The following DSCAM variants were observed in gnomAD, a reference collection of about 807,000 sequenced individuals.
DSCAM encodes the protein cell adhesion molecule DSCAM.
DSCAM carries 47 observed loss-of-function variants against 217.7 expected under a neutral mutation model. That is an observed-to-expected ratio of 0.22 (90% CI 0.17 to 0.28). The LOEUF is 0.28. Ranked by LOEUF, DSCAM falls within the 10% of genes least tolerant of loss-of-function variation. DSCAM has a pLI of 1.00. For missense variants in DSCAM, 2,080 were observed against 2,618.3 expected, an observed-to-expected ratio of 0.79 and a Z score of 4.49; for synonymous variants, 1,056 against 1,015.3, an observed-to-expected ratio of 1.04 and a Z score of -0.76.
At chr21:40,216,829 A>G (rs554036566) in intron 11 of DSCAM, among the ~76,000 whole-genome samples, 2 of 152,342 alleles carry the variant, frequency 1.3e-5, no homozygotes, top group East Asian at 3.9e-4. Context: ...CTGCCCTGTT[A>G]GAATGTGATG....
chr21:40,683,604 A>G (rs775907056), intron 3 of DSCAM, among the ~76,000 whole-genome samples: 82 of 152,172 alleles, frequency 5.4e-4, no homozygotes, highest in Non-Finnish European at 6.3e-4. Flanking sequence ...GGCACAGCTG[A>G]TGAAAAGAGG....
intron 3 of DSCAM, among the ~76,000 whole-genome samples, chr21:40,405,950 T>C (rs557570966): frequency 3.3e-5 from 5 of 152,244 alleles, no homozygotes; most frequent in East Asian, 1.9e-4. Flanking sequence ...CGAGCCGAGA[T>C]TGCACCACTG....
intron 3 of DSCAM, among the ~76,000 whole-genome samples, chr21:40,654,849 G>A (rs760743932): frequency 2.0e-5 from 3 of 152,030 alleles, no homozygotes; most frequent in African/African-American, 7.2e-5. Flanking sequence ...TTTTTGCCAT[G>A]TAAGGTGAAA....
chr21:40,376,184 A>G (rs1219980595), intron 3 of DSCAM, among the ~76,000 whole-genome samples: 1 of 152,160 alleles, frequency 6.6e-6, no homozygotes, highest in African/African-American at 2.4e-5. Context: ...ATGGTAGCAC[A>G]AGCACGATGA....
At chr21:40,803,772 T>C (rs1601285534) in intron 1 of DSCAM, among the ~76,000 whole-genome samples, 1 of 151,210 alleles carries the variant, frequency 6.6e-6, no homozygotes, top group East Asian at 1.9e-4. Flanking sequence ...AAGGGAAGAA[T>C]GGGGAAAAAA....
intron 5 of DSCAM, among the ~76,000 whole-genome samples, chr21:40,351,047 A>G (rs1456037420): frequency 6.6e-6 from 1 of 151,852 alleles, no homozygotes; most frequent in Admixed American, 6.6e-5. Flanking sequence ...CATCACACCC[A>G]GCACAAACAT....
At chr21:40,189,727 C>T (rs898581543) in intron 11 of DSCAM, among the ~76,000 whole-genome samples, 3 of 152,152 alleles carry the variant, frequency 2.0e-5, no homozygotes, top group East Asian at 1.9e-4. Flanking sequence ...TGCACAAGTG[C>T]TCTCTCTTTG....
intron 8 of DSCAM, among the ~76,000 whole-genome samples, chr21:40,324,250 T>G (rs2074294463): frequency 6.6e-6 from 1 of 151,716 alleles, no homozygotes; most frequent in South Asian, 2.1e-4. Flanking sequence ...TAAAATGTTT[T>G]AGGAACAAGA....
intron 14 of DSCAM, among the ~76,000 whole-genome samples, chr21:40,186,276 A>G (rs2090893721): frequency 6.6e-6 from 1 of 152,056 alleles, no homozygotes. Context: ...AGTGCCAAAG[A>G]TATTAGATGG....
At chr21:40,149,848 A>T (rs1294149604) in intron 16 of DSCAM, among the ~76,000 whole-genome samples, 4 of 150,596 alleles carry the variant, frequency 2.7e-5, no homozygotes, top group African/African-American at 9.9e-5. Context: ...TCACCACAAC[A>T]TCCATCACTC....
At chr21:40,717,172 T>C (rs1343381422) in intron 1 of DSCAM, among the ~76,000 whole-genome samples, 1 of 152,220 alleles carries the variant, frequency 6.6e-6, no homozygotes, top group African/African-American at 2.4e-5. Flanking sequence ...TTGGAAACAC[T>C]CTTCAGCACC....
intron 29 of DSCAM, among the ~76,000 whole-genome samples, chr21:40,053,099 C>T (rs183967075): frequency 1.4e-4 from 22 of 152,292 alleles, no homozygotes; most frequent in African/African-American, 4.6e-4. Context: ...ATGCGAAAGT[C>T]GTAAACAACA....
chr21:40,673,222 C>T (rs1042857212), intron 3 of DSCAM, among the ~76,000 whole-genome samples: 6 of 152,130 alleles, frequency 3.9e-5, no homozygotes, highest in African/African-American at 1.4e-4. Flanking sequence ...CCTTCCACTT[C>T]ACAGCTGGCC....
chr21:40,529,772 T>C (rs2076428839), intron 3 of DSCAM, among the ~76,000 whole-genome samples: 1 of 152,142 alleles, frequency 6.6e-6, no homozygotes, highest in Admixed American at 6.5e-5. Flanking sequence ...TCTTTTATTA[T>C]AAAATATCAG....
At chr21:40,812,798 CA>C (rs1001256780) in intron 1 of DSCAM, among the ~76,000 whole-genome samples, 17 of 152,148 alleles carry the variant, frequency 1.1e-4, no homozygotes, top group Non-Finnish European at 1.9e-4. Flanking sequence ...AGGTCACGCA[CA>C]ACCCAGTTGA....
chr21:40,780,651 G>A (rs1293757223), intron 1 of DSCAM, among the ~76,000 whole-genome samples: 4 of 151,936 alleles, frequency 2.6e-5, no homozygotes, highest in Admixed American at 2.0e-4. Context: ...GGTGGGTCCT[G>A]TTCCAATCTG....
rs752707709 is a variant in DSCAM, at chr21:40,187,119, T to C, written c.2779+12A>G. 6.2e-7 allele frequency: 1 copy of C among 1,611,714 alleles called. No individual in the cohort carries two copies. Among genetic ancestry groups the C allele is most frequent in the Non-Finnish European group, 8.5e-7 (1 of 1,179,108 alleles). Reference sequence around the variant, plus strand: ...GAGGTGGAAGGGAAGCTGGAGGAAGTAAAGAACTTACCTGATTTATTTTTG... The same window carrying C: ...GAGGTGGAAGGGAAGCTGGAGGAAGCAAAGAACTTACCTGATTTATTTTTG... On this transcript the variant is annotated intron_variant, in intron 14 of 32. Coordinates refer to ENST00000400454, the MANE Select transcript of DSCAM (RefSeq NM_001389.5).
chr21:40,299,832 T>A (rs2073995131), intron 9 of DSCAM, among the ~76,000 whole-genome samples: 1 of 152,164 alleles, frequency 6.6e-6, no homozygotes, highest in Non-Finnish European at 1.5e-5. Context: ...GTGCAGATAT[T>A]TTTTAAAGAA....
chr21:40,411,776 AG>A (rs1022968616), intron 3 of DSCAM, among the ~76,000 whole-genome samples: 1 of 152,198 alleles, frequency 6.6e-6, no homozygotes, highest in African/African-American at 2.4e-5. Flanking sequence ...TAGAATAATA[AG>A]AGAATAATAT....
Sources: gnomAD v4.1 joint callset for allele counts (sites outside exome capture counted in the v4.1 genomes callset) on GRCh38, gnomAD v4.1.1 for gene constraint, MANE v1.5 for transcripts, NCBI Gene and HGNC (gene_info 2026-07-23, HGNC 2026-07-21) for gene names.